The following ARHGEF9 variants were observed in gnomAD, a reference collection of about 807,000 sequenced individuals.
ARHGEF9 encodes rho guanine nucleotide exchange factor 9.
Under a neutral mutation model 41.3 loss-of-function variants are expected in ARHGEF9, and 2 were observed. The ratio of observed to expected loss-of-function variants is 0.05; its 90% CI spans 0.02 to 0.15. The LOEUF (loss-of-function observed/expected upper bound fraction) is 0.15. Ranked by LOEUF, ARHGEF9 falls within the 10% of genes least tolerant of loss-of-function variation. The pLI is 1.00. For missense variants in ARHGEF9, 225 were observed against 424.7 expected, an observed-to-expected ratio of 0.53 and a Z score of 4.13; for synonymous variants, 160 against 154.4, an observed-to-expected ratio of 1.04 and a Z score of -0.27.
intron 9 of ARHGEF9, chrX:63,640,395 G>GT (rs1197956989): frequency 5.4e-5 from 6 of 111,819 alleles, no homozygotes; most frequent in Non-Finnish European, 1.1e-4. Context: ...TTGAAACTGG[G>GT]TAGATTGATT....
At chrX:63,694,777 G>T (rs1488783225) in intron 4 of ARHGEF9, among the ~76,000 whole-genome samples, 2 of 111,345 alleles carry the variant, frequency 1.8e-5, no homozygotes, top group African/African-American at 6.5e-5. Flanking sequence ...TTATTATGGT[G>T]GTTACACAAC....
intron 4 of ARHGEF9, among the ~76,000 whole-genome samples, chrX:63,682,558 T>C (rs1356139215): frequency 9.1e-6 from 1 of 109,855 alleles, no homozygotes; most frequent in Admixed American, 9.6e-5. Flanking sequence ...GTATCACTAA[T>C]GATCATAGGT....
chrX:63,724,741 T>C, intron 1 of ARHGEF9, 30 bp from the exon 2 acceptor site: 2 of 1,189,362 alleles, frequency 1.7e-6, no homozygotes, highest in Non-Finnish European at 2.3e-6. Context: ...ATGTGTTCAG[T>C]CCACACAGCT....
intron 1 of ARHGEF9, among the ~76,000 whole-genome samples, chrX:63,753,698 A>C (rs1160825411): frequency 1.8e-5 from 2 of 111,456 alleles, no homozygotes; most frequent in African/African-American, 6.5e-5. Context: ...CATGATTCCA[A>C]GGAAATTGAC....
chrX:63,784,882 T>C (rs185575771), intron 1 of ARHGEF9, among the ~76,000 whole-genome samples: 12 of 111,067 alleles, frequency 1.1e-4, no homozygotes, highest in African/African-American at 2.3e-4. Flanking sequence ...TCCACCTTAA[T>C]CTCAGAGGGA....
chrX:63,723,958 A>G (rs1205357964), intron 2 of ARHGEF9, among the ~76,000 whole-genome samples: 3 of 112,136 alleles, frequency 2.7e-5, no homozygotes, highest in Admixed American at 9.5e-5. Context: ...TTCTCTTGAA[A>G]AAAGTAAAAT....
chrX:63,747,001 T>G (rs1402367305), intron 1 of ARHGEF9, among the ~76,000 whole-genome samples: 2 of 112,086 alleles, frequency 1.8e-5, no homozygotes, highest in East Asian at 2.8e-4. Flanking sequence ...AAGCCAAGTA[T>G]AATTAAGAAG....
chrX:63,763,716 G>A (rs1400197976), intron 1 of ARHGEF9, among the ~76,000 whole-genome samples: 1 of 111,398 alleles, frequency 9.0e-6, no homozygotes, highest in East Asian at 2.8e-4. Flanking sequence ...GCAAACCCCT[G>A]ACTCTCAGTC....
Position 63,637,918 on chromosome X carries a change from CTGTG to C in ARHGEF9, c.*106_*109del, listed in dbSNP as rs200721396. 74 of 539,707 alleles carry C rather than the reference CTGTG, an allele frequency of 1.4e-4. No homozygotes were observed. Among genetic ancestry groups the C allele is most frequent in the South Asian group, 1.1e-3 (31 of 27,830 alleles). The allele number at this position is 539,707 out of a possible 1,213,427, so 44.5% of individuals were successfully genotyped here. A position where few individuals can be genotyped will look rare whatever the true frequency, so the allele number is the denominator to read the frequency against. ...TGTGTGTATGTGTACTCAAGGGTCT[CTGTG>C]TGTGTGTGTGTGTATAAATTTCAAC... On this transcript the variant is annotated 3_prime_UTR_variant, in exon 10 of 10. Transcript: ENST00000671741.
intron 4 of ARHGEF9, among the ~76,000 whole-genome samples, chrX:63,694,734 T>A (rs2051620899): frequency 8.9e-6 from 1 of 112,179 alleles, no homozygotes; most frequent in African/African-American, 3.2e-5. Context: ...ATAAGAGGAC[T>A]TTGTGGAGTT....
intron 1 of ARHGEF9, among the ~76,000 whole-genome samples, chrX:63,731,762 T>C (rs1374279052): frequency 9.1e-6 from 1 of 110,459 alleles, no homozygotes; most frequent in East Asian, 2.8e-4. Flanking sequence ...GGTTTCACCA[T>C]GTTGGCCAGG....
chrX:63,721,462 C>T (rs1485336019), intron 2 of ARHGEF9, among the ~76,000 whole-genome samples: 6 of 111,147 alleles, frequency 5.4e-5, no homozygotes, highest in African/African-American at 1.3e-4. Context: ...TCACACGAGC[C>T]TCACCTCCCA....
Position 63,775,465 on chromosome X carries a change from T to G in ARHGEF9, c.30+9651A>C, listed in dbSNP as rs1486007842. On this transcript the variant is annotated intron_variant, in intron 1 of 9. Coordinates refer to ENST00000671741, the MANE Select transcript of ARHGEF9 (RefSeq NM_001353921.2). The stretch of plus-strand genomic sequence containing the variant: ...AGTGGATTGGATAAAGAAAATATGG[T>G]ACATATACACCATGGAATACTACAC... 1.2e-4 allele frequency among the ~76,000 whole-genome samples: 13 copies of G among 112,220 alleles called. 1 individual carries two copies. Among genetic ancestry groups the G allele is most frequent in the Non-Finnish European group, 2.4e-4 (13 of 53,225 alleles).
chrX:63,751,437 T>A (rs1462179249), intron 1 of ARHGEF9, among the ~76,000 whole-genome samples: 8 of 111,888 alleles, frequency 7.2e-5, no homozygotes, highest in Non-Finnish European at 1.3e-4. Context: ...AAAAATATCC[T>A]CACAAGTCTG....
intron 2 of ARHGEF9, among the ~76,000 whole-genome samples, chrX:63,708,140 A>T (rs1462566162): frequency 1.8e-5 from 2 of 111,593 alleles, no homozygotes; most frequent in East Asian, 5.7e-4. Context: ...GGGCAAAAAA[A>T]AAAAGTGATT....
chrX:63,663,963 C>G (rs781935830), intron 7 of ARHGEF9, among the ~76,000 whole-genome samples: 20 of 112,132 alleles, frequency 1.8e-4, no homozygotes, highest in Non-Finnish European at 3.2e-4. Flanking sequence ...CCTTTATACT[C>G]CAGACTCTAG....
At chrX:63,775,801 G>A (rs1217653304) in intron 1 of ARHGEF9, among the ~76,000 whole-genome samples, 5 of 110,942 alleles carry the variant, frequency 4.5e-5, no homozygotes, top group South Asian at 3.8e-4. Context: ...TAACAAACTG[G>A]CACACATACT....
intron 1 of ARHGEF9, among the ~76,000 whole-genome samples, chrX:63,778,434 C>G (rs2056329148): frequency 8.9e-6 from 1 of 112,357 alleles, no homozygotes; most frequent in African/African-American, 3.2e-5. Context: ...AGACCTCTGA[C>G]ATGCCCTGAA....
intron 3 of ARHGEF9, among the ~76,000 whole-genome samples, chrX:63,701,944 T>C (rs1400997311): frequency 8.9e-6 from 1 of 112,256 alleles, no homozygotes; most frequent in African/African-American, 3.2e-5. Flanking sequence ...TCTTATACAA[T>C]GTGTTATCAT....
Sources: gnomAD v4.1 joint callset for allele counts (sites outside exome capture counted in the v4.1 genomes callset) on GRCh38, gnomAD v4.1.1 for gene constraint, MANE v1.5 for transcripts, NCBI Gene and HGNC (gene_info 2026-07-23, HGNC 2026-07-21) for gene names.